CLVS1: variants seen among roughly 807,000 people sequenced by gnomAD.
The protein encoded by CLVS1 is clavesin-1.
A neutral mutation model predicts 33.1 loss-of-function variants in CLVS1; 10 were observed. That is an observed-to-expected ratio of 0.30 (90% CI 0.19 to 0.51). The LOEUF (loss-of-function observed/expected upper bound fraction) is 0.51, where lower values mean the gene tolerates loss of function less well. Ranked by LOEUF, CLVS1 falls within the 20% of genes least tolerant of loss-of-function variation. The pLI is 0.97. For synonymous variants in CLVS1, 163 were observed against 166.1 expected (o/e 0.98, Z 0.14); for missense variants, 343 against 433.4 (o/e 0.79, Z 1.85).
In CLVS1 at chr8:61,189,223, A is replaced by G. The variant is rs572853365; in HGVS notation, c.-152+57363A>G. Among the ~76,000 whole-genome samples, 5 of 152,340 alleles carry G rather than the reference A, an allele frequency of 3.3e-5. No individual in the cohort carries two copies. The East Asian group carries it at 5.8e-4, about 18-fold the overall frequency. On this transcript the variant is annotated intron_variant, in intron 2 of 2. Coordinates refer to the CLVS1 transcript ENST00000522621. ...AAGAGAGTGGGGGCCAATATTCAAC[A>G]TTCTTAAAGAGAAGAATTTTCAACC...
intron 2 of CLVS1, among the ~76,000 whole-genome samples, chr8:61,208,894 C>T (rs932397126): frequency 8.5e-5 from 13 of 152,162 alleles, no homozygotes; most frequent in Non-Finnish European, 1.5e-4. Context: ...CCTTTTCTAA[C>T]AGGATTGGAG....
chr8:61,010,056 T>G, the CLVS1 span, among the ~76,000 whole-genome samples: 1 of 151,816 alleles, frequency 6.6e-6, no homozygotes, highest in African/African-American at 2.4e-5. Context: ...GGGGAGGGAG[T>G]AGGGAATCAG....
intron 3 of CLVS1, 28 bp from the exon 4 acceptor site, chr8:61,454,113 G>A (rs567777434): frequency 1.6e-5 from 23 of 1,473,772 alleles, no homozygotes; most frequent in Non-Finnish European, 2.1e-5. Flanking sequence ...CTTACTAATC[G>A]GTGTGCATTT....
At chr8:61,200,736 C>T (rs1003250430) in intron 2 of CLVS1, among the ~76,000 whole-genome samples, 5 of 152,260 alleles carry the variant, frequency 3.3e-5, no homozygotes, top group African/African-American at 1.2e-4. Flanking sequence ...CACAATTATG[C>T]CAGGACTAGT....
At chr8:61,048,081 G>A in the CLVS1 span, among the ~76,000 whole-genome samples, 2 of 152,318 alleles carry the variant, frequency 1.3e-5, no homozygotes, top group Non-Finnish European at 2.9e-5. Flanking sequence ...GGAGGCGCAT[G>A]TTTGGGGTTT....
At chr8:61,305,761 A>C (rs1810602572) in intron 2 of CLVS1, among the ~76,000 whole-genome samples, 1 of 151,942 alleles carries the variant, frequency 6.6e-6, no homozygotes, top group Non-Finnish European at 1.5e-5. Context: ...TTATGTGTCC[A>C]TGTGTTCTCA....
intron 2 of CLVS1, among the ~76,000 whole-genome samples, chr8:61,354,961 C>T (rs1042919629): frequency 1.3e-5 from 2 of 152,182 alleles, no homozygotes; most frequent in Admixed American, 1.3e-4. Context: ...CACATGCACA[C>T]ATACAAACAA....
chr8:60,984,048 G>A, the CLVS1 span, among the ~76,000 whole-genome samples: 2 of 152,254 alleles, frequency 1.3e-5, no homozygotes, highest in African/African-American at 2.4e-5. Flanking sequence ...CCCCAGCCTA[G>A]CCTGTACCCT....
chr8:61,348,244 A>G (rs1307909949), intron 2 of CLVS1, among the ~76,000 whole-genome samples: 2 of 150,544 alleles, frequency 1.3e-5, no homozygotes, highest in Middle Eastern at 3.4e-3. Context: ...TATTTAACTT[A>G]GCAAAATGTT....
chr8:61,148,403 T>G (rs1338732923), intron 2 of CLVS1, among the ~76,000 whole-genome samples: 1 of 152,120 alleles, frequency 6.6e-6, no homozygotes, highest in East Asian at 1.9e-4. Flanking sequence ...AAGAACAATA[T>G]TAAACAGGTG....
chr8:61,328,802 C>A (rs896731307), intron 2 of CLVS1, among the ~76,000 whole-genome samples: 8 of 152,130 alleles, frequency 5.3e-5, no homozygotes, highest in African/African-American at 1.7e-4. Flanking sequence ...GTTATTAACT[C>A]CCCTCTATCC....
intron 2 of CLVS1, among the ~76,000 whole-genome samples, chr8:61,367,992 G>A (rs1212305255): frequency 6.6e-6 from 1 of 152,210 alleles, no homozygotes; most frequent in East Asian, 1.9e-4. Flanking sequence ...GTAAGAAATT[G>A]CATTAAATTT....
At chr8:61,172,617 C>T (rs1397231347) in intron 2 of CLVS1, among the ~76,000 whole-genome samples, 2 of 152,204 alleles carry the variant, frequency 1.3e-5, no homozygotes, top group South Asian at 2.1e-4. Flanking sequence ...CAGCAAAGCA[C>T]CAAATTTAGA....
intron 2 of CLVS1, among the ~76,000 whole-genome samples, chr8:61,209,618 C>T (rs1317088841): frequency 3.9e-5 from 6 of 152,164 alleles, no homozygotes; most frequent in Non-Finnish European, 8.8e-5. Flanking sequence ...TGATGATGGC[C>T]ATGTTTTTCG....
At chr8:61,215,047 AG>A (rs1426186642) in intron 2 of CLVS1, among the ~76,000 whole-genome samples, 1 of 152,152 alleles carries the variant, frequency 6.6e-6, no homozygotes, top group African/African-American at 2.4e-5. Context: ...TAGCTTTTCA[AG>A]TGCCTTTTAT....
At chr8:61,363,986 C>T (rs970439403) in intron 2 of CLVS1, among the ~76,000 whole-genome samples, 21 of 152,318 alleles carry the variant, frequency 1.4e-4, no homozygotes, top group African/African-American at 5.1e-4. Context: ...TGCCAATTAA[C>T]TCTCATATTT....
At chr8:61,103,892 A>C (rs1805491171) in intron 1 of CLVS1, among the ~76,000 whole-genome samples, 1 of 152,156 alleles carries the variant, frequency 6.6e-6, no homozygotes, top group Non-Finnish European at 1.5e-5. Context: ...GGGATTTATG[A>C]GTAAAGAATA....
intron 1 of CLVS1, among the ~76,000 whole-genome samples, chr8:61,097,766 C>T (rs558039182): frequency 2.6e-5 from 4 of 152,230 alleles, no homozygotes; most frequent in East Asian, 3.9e-4. Flanking sequence ...TGCAGGCTAA[C>T]GACTATGCTT....
At chr8:61,415,828 C>A (rs1190436274) in intron 3 of CLVS1, among the ~76,000 whole-genome samples, 1 of 152,178 alleles carries the variant, frequency 6.6e-6, no homozygotes, top group East Asian at 1.9e-4. Flanking sequence ...CAAGATGATC[C>A]ACTGACGGAT....
Sources: gnomAD v4.1 joint callset for allele counts (sites outside exome capture counted in the v4.1 genomes callset) on GRCh38, gnomAD v4.1.1 for gene constraint, MANE v1.5 for transcripts, NCBI Gene and HGNC (gene_info 2026-07-23, HGNC 2026-07-21) for gene names.